The following SYCP2L variants were observed in gnomAD, a reference collection of about 807,000 sequenced individuals.
SYCP2L encodes the protein synaptonemal complex protein 2-like.
SYCP2L carries 98 observed loss-of-function variants against 125.8 expected under a neutral mutation model. That is an observed-to-expected ratio of 0.78 (90% confidence interval 0.66 to 0.92). The LOEUF is 0.92. SYCP2L is among the 40% of genes least tolerant of loss of function. The pLI is 0.00. For missense variants in SYCP2L, 842 were observed against 936.4 expected, an observed-to-expected ratio of 0.90 and a Z score of 1.32; for synonymous variants, 317 against 325.4, an observed-to-expected ratio of 0.97 and a Z score of 0.28.
At chr6:10,919,677 T>G (rs75692278) in intron 14 of SYCP2L, among the ~76,000 whole-genome samples, 3,086 of 151,942 alleles carry the variant, frequency 0.02, 101 homozygotes, top group African/African-American at 0.07. Context: ...CCAGGATAGG[T>G]AGGGAAGGAT....
At chr6:10,957,183 A>G (rs564074391) in intron 25 of SYCP2L, among the ~76,000 whole-genome samples, 15 of 152,324 alleles carry the variant, frequency 9.8e-5, no homozygotes, top group African/African-American at 3.4e-4. Context: ...GAAAGAAGGA[A>G]AAGGTAGTTC....
At chr6:10,964,053 G>T (rs1160320765) in intron 29 of SYCP2L, among the ~76,000 whole-genome samples, 1 of 151,632 alleles carries the variant, frequency 6.6e-6, no homozygotes, top group Non-Finnish European at 1.5e-5. Context: ...CGCCTCCCAG[G>T]TTCACGCCAT....
intron 16 of SYCP2L, 41 bp downstream of exon 16, chr6:10,926,473 G>T (rs1429680862): frequency 6.6e-7 from 1 of 1,511,570 alleles, no homozygotes; most frequent in African/African-American, 1.4e-5. Context: ...TGAGTTTTCT[G>T]TAAAAGCGAT....
intron 12 of SYCP2L, among the ~76,000 whole-genome samples, chr6:10,911,894 CTTTTTT>C (rs58800098): frequency 7.1e-3 from 355 of 50,006 alleles, no homozygotes; most frequent in African/African-American, 0.023. Context: ...GGAATAAAAG[CTTTTTT>C]TTTTTTTTTT....
In SYCP2L at chr6:10,942,258, C is replaced by T. The variant is rs558347893; in HGVS notation, c.1814-201C>T. On this transcript the variant is annotated intron_variant, in intron 21 of 29. Transcript: ENST00000283141. ...CACATGTATACATACGTAACCTGCA[C>T]GTTGTGCACATGTACCCTAAAACTT... Among the ~76,000 whole-genome samples the T allele has an allele frequency of 7.0e-4, 106 of 152,142 alleles. 1 individual carries two copies. Among genetic ancestry groups the T allele is most frequent in the African/African-American group, 1.6e-3 (65 of 41,508 alleles).
At chr6:10,932,873 C>T (rs1354715529) in intron 20 of SYCP2L, among the ~76,000 whole-genome samples, 1 of 152,208 alleles carries the variant, frequency 6.6e-6, no homozygotes, top group African/African-American at 2.4e-5. Flanking sequence ...CCTGCCTCAG[C>T]CTCCTGAGTA....
intron 28 of SYCP2L, among the ~76,000 whole-genome samples, chr6:10,963,150 A>G (rs1477527772): frequency 6.6e-6 from 1 of 152,192 alleles, no homozygotes. Context: ...CTTTGATAAC[A>G]GGTCCCTGTG....
At chr6:10,965,885 G>T (rs936700049) in intron 29 of SYCP2L, among the ~76,000 whole-genome samples, 20 of 152,174 alleles carry the variant, frequency 1.3e-4, no homozygotes, top group African/African-American at 4.3e-4. Context: ...GGCCAAGGCG[G>T]GTGAATCACC....
chr6:10,941,604 A>T lies in SYCP2L; in HGVS notation c.1814-855A>T, dbSNP rs1164824289. 2.0e-5 allele frequency among the ~76,000 whole-genome samples: 3 copies of T among 152,266 alleles called. No individual in the cohort carries two copies. The East Asian group carries it at 5.8e-4, about 29-fold the overall frequency. On this transcript the variant is annotated intron_variant, in intron 21 of 29. Coordinates refer to ENST00000283141, the MANE Select transcript of SYCP2L (RefSeq NM_001040274.3). The stretch of plus-strand genomic sequence containing the variant: ...CAAATCAAAACCGCAATGAGATACC[A>T]TCTCACACCAGTTAGAATGGCGATC...
chr6:10,898,562 T>A (rs1353525516), intron 5 of SYCP2L, among the ~76,000 whole-genome samples: 1 of 152,184 alleles, frequency 6.6e-6, no homozygotes, highest in African/African-American at 2.4e-5. Context: ...TATTAATATG[T>A]GATATAGTAA....
intron 29 of SYCP2L, among the ~76,000 whole-genome samples, chr6:10,970,374 TGG>T (rs34736403): frequency 6.6e-6 from 1 of 151,972 alleles, no homozygotes; most frequent in Non-Finnish European, 1.5e-5. Context: ...GTGTGGATGG[TGG>T]GGGTGACCCA....
chr6:10,934,588 G>A (rs1024831807), intron 20 of SYCP2L, among the ~76,000 whole-genome samples: 2 of 152,210 alleles, frequency 1.3e-5, no homozygotes, highest in South Asian at 2.1e-4. Context: ...GCTGAGGCAC[G>A]AGAATTGCTT....
chr6:10,955,519 A>G (rs1392845487), intron 24 of SYCP2L, among the ~76,000 whole-genome samples: 1 of 152,232 alleles, frequency 6.6e-6, no homozygotes, highest in African/African-American at 2.4e-5. Context: ...GTTATCAACC[A>G]AATTTTTGTG....
At chr6:10,939,245 T>C (rs1209006715) in intron 21 of SYCP2L, among the ~76,000 whole-genome samples, 1 of 152,096 alleles carries the variant, frequency 6.6e-6, no homozygotes, top group Non-Finnish European at 1.5e-5. Context: ...CACAAATAAA[T>C]GGAAGAATAT....
intron 14 of SYCP2L, among the ~76,000 whole-genome samples, chr6:10,921,093 C>T (rs574209113): frequency 1.3e-5 from 2 of 152,294 alleles, no homozygotes; most frequent in East Asian, 1.9e-4. Context: ...CATGTGTTCT[C>T]ATCATTCAGC....
intron 23 of SYCP2L, among the ~76,000 whole-genome samples, chr6:10,946,659 T>G (rs1781318781): frequency 6.6e-6 from 1 of 152,122 alleles, no homozygotes; most frequent in Non-Finnish European, 1.5e-5. Flanking sequence ...CAATTGCTTT[T>G]TGTTTTCTAT....
intron 6 of SYCP2L, among the ~76,000 whole-genome samples, chr6:10,900,155 A>G (rs1363216914): frequency 6.6e-6 from 1 of 152,152 alleles, no homozygotes; most frequent in Non-Finnish European, 1.5e-5. Context: ...AATGCCATCA[A>G]TTGGGAGGCT....
chr6:10,942,406 T>TA (rs1781240202), intron 21 of SYCP2L, 53 bp from the exon 22 acceptor site: 2 of 1,144,558 alleles, frequency 1.7e-6, no homozygotes, highest in Non-Finnish European at 2.5e-6. Context: ...AGTGAATTCT[T>TA]ATTGCTTTGT....
chr6:10,943,675 C>G (rs796873848), intron 23 of SYCP2L, among the ~76,000 whole-genome samples: 25 of 152,302 alleles, frequency 1.6e-4, no homozygotes, highest in African/African-American at 6.0e-4. Flanking sequence ...TCTTTCATCC[C>G]TCATAGAGGT....
Sources: gnomAD v4.1 joint callset for allele counts (sites outside exome capture counted in the v4.1 genomes callset) on GRCh38, gnomAD v4.1.1 for gene constraint, MANE v1.5 for transcripts, NCBI Gene and HGNC (gene_info 2026-07-23, HGNC 2026-07-21) for gene names.